Variants in SGMS1 observed in about 807,000 individuals in gnomAD.
SGMS1 encodes phosphatidylcholine:ceramide cholinephosphotransferase 1.
In SGMS1, 13 loss-of-function variants were observed where a neutral mutation model predicts 46.2. That is an observed-to-expected ratio of 0.28 (90% CI 0.18 to 0.45). The LOEUF is 0.45. Among genes scored for constraint, SGMS1 ranks in the 20% least tolerant of loss-of-function variants. The probability of loss-of-function intolerance (pLI) is 1.00; values close to 1 mark genes in which losing one functional copy is unlikely to be tolerated. For missense variants in SGMS1, 324 were observed against 519.9 expected, an observed-to-expected ratio of 0.62 and a Z score of 3.66; for synonymous variants, 203 against 187.8, an observed-to-expected ratio of 1.08 and a Z score of -0.66.
chr10:50,316,841 T>C lies in SGMS1; in HGVS notation c.742-5426A>G, dbSNP rs150453351. Among the ~76,000 whole-genome samples the C allele has an allele frequency of 3.4e-4, 52 of 152,256 alleles. 1 individual carries two copies. The highest frequency in any genetic ancestry group is 1.2e-3 in the African/African-American group (49 of 41,544). ...CAGCCTGCAACTGAGAAACACACCTTACACACTGTGGTGTCCCTCAACATC... is the reference window on the plus strand; with the variant it reads ...CAGCCTGCAACTGAGAAACACACCTCACACACTGTGGTGTCCCTCAACATC... On this transcript the variant is annotated intron_variant, in intron 8 of 10. Coordinates refer to ENST00000361781, the MANE Select transcript of SGMS1 (RefSeq NM_147156.4).
chr10:50,311,022 C>T (rs146719269), intron 9 of SGMS1, among the ~76,000 whole-genome samples: 1 of 152,368 alleles, frequency 6.6e-6, no homozygotes, highest in African/African-American at 2.4e-5. Flanking sequence ...GTGCTTGGAA[C>T]TGCCTCCACC....
intron 6 of SGMS1, among the ~76,000 whole-genome samples, chr10:50,373,052 T>C (rs1247329209): frequency 1.3e-5 from 2 of 152,204 alleles, no homozygotes; most frequent in Admixed American, 6.5e-5. Flanking sequence ...AATTTAGCCT[T>C]CATTCTTTTC....
chr10:50,333,721 A>G (rs1847665197), intron 7 of SGMS1, among the ~76,000 whole-genome samples: 1 of 152,202 alleles, frequency 6.6e-6, no homozygotes, highest in East Asian at 1.9e-4. Flanking sequence ...AGACAAAATA[A>G]TCAAAATAAA....
intron 1 of SGMS1, among the ~76,000 whole-genome samples, chr10:50,603,305 A>G (rs986398423): frequency 6.6e-6 from 1 of 152,234 alleles, no homozygotes; most frequent in African/African-American, 2.4e-5. Flanking sequence ...GAGAGGCCGG[A>G]GCCCAGGCTG....
intron 3 of SGMS1, among the ~76,000 whole-genome samples, chr10:50,481,000 C>T (rs570658635): frequency 1.4e-4 from 21 of 152,310 alleles, no homozygotes; most frequent in Admixed American, 1.0e-3. Flanking sequence ...GATTTACAAA[C>T]AAAACTCTGA....
chr10:50,619,510 A>G (rs7909486), intron 1 of SGMS1, among the ~76,000 whole-genome samples: 114,487 of 152,178 alleles, frequency 0.75, 43,708 homozygotes, highest in African/African-American at 0.89. Flanking sequence ...CTGCACTGGA[A>G]AGAAGGCTCC....
At chr10:50,538,985 G>T (rs927451467) in intron 2 of SGMS1, among the ~76,000 whole-genome samples, 7 of 152,230 alleles carry the variant, frequency 4.6e-5, no homozygotes, top group African/African-American at 1.7e-4. Flanking sequence ...CGAACTCGGT[G>T]AGCAGCACAT....
At chr10:50,487,345 G>A (rs1837530237) in intron 3 of SGMS1, among the ~76,000 whole-genome samples, 1 of 152,184 alleles carries the variant, frequency 6.6e-6, no homozygotes, top group South Asian at 2.1e-4. Context: ...GAAGGGGGTG[G>A]AGGGAGAGAG....
At position 50,548,903 on chromosome 10, in the gene SGMS1, T is replaced by C. The variant is rs750739538; in HGVS notation, c.-588-28982A>G. 4.0e-5 allele frequency among the ~76,000 whole-genome samples: 6 copies of C among 151,872 alleles called. 1 individual carries two copies. The highest frequency in any genetic ancestry group is 2.6e-4 in the Admixed American group (4 of 15,282). On this transcript the variant is annotated intron_variant, in intron 2 of 10. Transcript: ENST00000361781. ...GTGGGTAAAGGACATGGGCAGACAA[T>C]TCTCAAAAGAAGACATACATATGGC...
At chr10:50,350,324 AG>A (rs1388080165) in intron 6 of SGMS1, among the ~76,000 whole-genome samples, 2 of 152,208 alleles carry the variant, frequency 1.3e-5, no homozygotes, top group East Asian at 3.8e-4. Context: ...CAGTTTGATA[AG>A]GGAAGCAAAG....
intron 2 of SGMS1, among the ~76,000 whole-genome samples, chr10:50,572,901 G>C (rs886509002): frequency 1.3e-5 from 2 of 152,122 alleles, no homozygotes; most frequent in South Asian, 2.1e-4. Flanking sequence ...CCCTAGACTA[G>C]CTTTCCTCTC....
intron 2 of SGMS1, among the ~76,000 whole-genome samples, chr10:50,532,195 C>T (rs1837960428): frequency 6.7e-6 from 1 of 149,582 alleles, no homozygotes; most frequent in East Asian, 2.0e-4. Context: ...GGTTCCTTGG[C>T]ATGTCTCCAC....
intron 6 of SGMS1, among the ~76,000 whole-genome samples, chr10:50,361,001 C>T (rs1589406297): frequency 6.6e-6 from 1 of 152,182 alleles, no homozygotes; most frequent in African/African-American, 2.4e-5. Flanking sequence ...AGCATACCCA[C>T]AGTGCCCAGC....
chr10:50,610,963 G>A (rs890149117), intron 1 of SGMS1, among the ~76,000 whole-genome samples: 4 of 152,170 alleles, frequency 2.6e-5, no homozygotes, highest in Non-Finnish European at 5.9e-5. Context: ...GCATACAGGG[G>A]ACATTCTGTG....
At chr10:50,551,577 A>G (rs1348574181) in intron 2 of SGMS1, among the ~76,000 whole-genome samples, 1 of 152,098 alleles carries the variant, frequency 6.6e-6, no homozygotes, top group Non-Finnish European at 1.5e-5. Context: ...GGAATGTTTC[A>G]TATCGATATA....
chr10:50,499,541 C>T (rs1432886589), intron 3 of SGMS1, among the ~76,000 whole-genome samples: 2 of 152,170 alleles, frequency 1.3e-5, no homozygotes, highest in Non-Finnish European at 2.9e-5. Context: ...CTCACCAAAC[C>T]TCAAGATTGT....
At chr10:50,309,109 G>A in intron 9 of SGMS1, among the ~76,000 whole-genome samples, 1 of 152,174 alleles carries the variant, frequency 6.6e-6, no homozygotes, top group Non-Finnish European at 1.5e-5. Flanking sequence ...ATTATGTTAG[G>A]TGTTAAAGGC....
chr10:50,388,328 T>G (rs1848711953), intron 6 of SGMS1, among the ~76,000 whole-genome samples: 1 of 151,984 alleles, frequency 6.6e-6, no homozygotes, highest in African/African-American at 2.4e-5. Context: ...ACAAAGCAAA[T>G]GTACTCCTTA....
intron 4 of SGMS1, among the ~76,000 whole-genome samples, chr10:50,463,397 T>C (rs561091451): frequency 6.6e-6 from 1 of 152,246 alleles, no homozygotes; most frequent in South Asian, 2.1e-4. Flanking sequence ...ATACAAATGG[T>C]CAATAAGTAC....
Sources: gnomAD v4.1 joint callset for allele counts (sites outside exome capture counted in the v4.1 genomes callset) on GRCh38, gnomAD v4.1.1 for gene constraint, MANE v1.5 for transcripts, NCBI Gene and HGNC (gene_info 2026-07-23, HGNC 2026-07-21) for gene names.